CAPN8: variants seen among roughly 807,000 people sequenced by gnomAD.
CAPN8 encodes the protein calpain 8, also known as calpain-8.
In CAPN8, 87 loss-of-function variants were observed where a neutral mutation model predicts 80.9. The ratio of observed to expected loss-of-function variants is 1.07; its 90% CI spans 0.90 to 1.28. The LOEUF (loss-of-function observed/expected upper bound fraction) is 1.28, where lower values mean the gene tolerates loss of function less well. Among genes scored for constraint, CAPN8 ranks in the 50% most tolerant of loss-of-function variants. The pLI is 0.00. For missense variants in CAPN8, 757 were observed against 702.0 expected (o/e 1.08, Z -0.89); for synonymous variants, 299 against 273.8 (o/e 1.09, Z -0.91).
intron 15 of CAPN8, 84 bp from the exon 16 acceptor site, chr1:223,549,466 A>C: frequency 6.5e-7 from 1 of 1,542,814 alleles, no homozygotes; most frequent in South Asian, 1.2e-5. Context: ...AGACCTCCAA[A>C]GATACCATCC....
rs146495069 is a variant in CAPN8, at chr1:223,627,093, C to G, written c.625G>C (p.Gly209Arg). 1 of 1,552,326 alleles carries G rather than the reference C, an allele frequency of 6.4e-7. No homozygotes were observed. The highest frequency in any genetic ancestry group is 2.0e-5 in the Admixed American group (1 of 51,008). Residue 209 changes from glycine (G) to arginine (R), a missense_variant, in exon 5 of 21, where the codon GGT (glycine) becomes CGT (arginine). Physicochemically the swap from Gly to Arg is moderately radical, Grantham distance 125. Coordinates refer to ENST00000366872, the MANE Select transcript of CAPN8 (RefSeq NM_001143962.2). ...STVEGFEDFT[G>R]GISEFYDLKK... ...AGGTCATAAAACTCAGAGATGCCAC[C>G]TGTGAAATCCTCAAACCCCTCCACT... is the stretch of plus-strand genomic sequence containing the variant.
At chr1:223,662,276 G>A (rs1471899523) in intron 1 of CAPN8, among the ~76,000 whole-genome samples, 1 of 151,930 alleles carries the variant, frequency 6.6e-6, no homozygotes, top group Non-Finnish European at 1.5e-5. Context: ...GGCAACACCC[G>A]ATCTCTACTA....
chr1:223,634,874 A>G (rs971800330), intron 2 of CAPN8, among the ~76,000 whole-genome samples: 23 of 152,368 alleles, frequency 1.5e-4, no homozygotes, highest in African/African-American at 5.0e-4. Context: ...ACAAACATTC[A>G]GTGTATAGCA....
chr1:223,625,714 G>A, intron 6 of CAPN8, 91 bp downstream of exon 6: 1 of 1,166,652 alleles, frequency 8.6e-7, no homozygotes, highest in South Asian at 1.4e-5. Context: ...GAACCTTCTA[G>A]TAGTAATCAC....
chr1:223,546,684 G>T (rs1405285168), intron 16 of CAPN8, among the ~76,000 whole-genome samples: 1 of 152,164 alleles, frequency 6.6e-6, no homozygotes, highest in Admixed American at 6.5e-5. Flanking sequence ...TTTTCCAGGA[G>T]AAACTGAAGT....
chr1:223,619,953 G>C (rs1657334180), intron 8 of CAPN8, among the ~76,000 whole-genome samples: 1 of 152,156 alleles, frequency 6.6e-6, no homozygotes, highest in Non-Finnish European at 1.5e-5. Flanking sequence ...AAAGATAATA[G>C]AACTGAGAAA....
chr1:223,548,898 C>G (rs1261326448), intron 16 of CAPN8, among the ~76,000 whole-genome samples: 2 of 126,860 alleles, frequency 1.6e-5, no homozygotes, highest in Admixed American at 2.1e-4. Context: ...AAGCAAAGAT[C>G]AGATAGTGAT....
chr1:223,542,609 G>T (rs185563617), intron 20 of CAPN8, among the ~76,000 whole-genome samples: 3 of 152,246 alleles, frequency 2.0e-5, no homozygotes, highest in African/African-American at 4.8e-5. Context: ...GTCCCCTCTG[G>T]CCAGTAAAGG....
At chr1:223,633,770 A>G (rs963426811) in intron 2 of CAPN8, among the ~76,000 whole-genome samples, 1 of 152,218 alleles carries the variant, frequency 6.6e-6, no homozygotes, top group Non-Finnish European at 1.5e-5. Flanking sequence ...ATTAAAATCA[A>G]AGCTTAAAGG....
At position 223,629,680 on chromosome 1, in the gene CAPN8, A is replaced by G. The variant is rs192734373; in HGVS notation, c.308-900T>C. Among the ~76,000 whole-genome samples, 282 of 152,226 alleles carry G rather than the reference A, an allele frequency of 1.9e-3. 1 individual carries two copies. The highest frequency in any genetic ancestry group is 6.6e-3 in the African/African-American group (272 of 41,522). On this transcript the variant is annotated intron_variant, in intron 2 of 20. Coordinates refer to ENST00000366872, the MANE Select transcript of CAPN8 (RefSeq NM_001143962.2). ...GACGTAACTTTGCTCACCTCTACTT[A>G]TTTGCTTATTCCACACCAGCTGCTG...
At chr1:223,544,940 G>T in intron 17 of CAPN8, 90 bp from the exon 18 acceptor site, 1 of 1,539,128 alleles carries the variant, frequency 6.5e-7, no homozygotes, top group Non-Finnish European at 8.7e-7. Flanking sequence ...TTCTCAAAAG[G>T]CCAGGGACAC....
intron 1 of CAPN8, among the ~76,000 whole-genome samples, chr1:223,658,366 T>C (rs568638005): frequency 4.5e-4 from 69 of 152,334 alleles, no homozygotes; most frequent in Non-Finnish European, 7.9e-4. Context: ...GCTAAGTGGT[T>C]TGTAGGTAGA....
chr1:223,554,710 TAGC>T (rs1656867801), intron 13 of CAPN8, among the ~76,000 whole-genome samples: 1 of 152,198 alleles, frequency 6.6e-6, no homozygotes, highest in Non-Finnish European at 1.5e-5. Flanking sequence ...GGAGTTCAAA[TAGC>T]AGATTGTACC....
At chr1:223,549,088 G>A (rs76731852) in intron 16 of CAPN8, among the ~76,000 whole-genome samples, 26 of 152,016 alleles carry the variant, frequency 1.7e-4, no homozygotes, top group African/African-American at 5.8e-4. Flanking sequence ...TGCACACCTC[G>A]GTTTCTTCAC....
At position 223,544,107 on chromosome 1, in the gene CAPN8, G is replaced by A. The variant is rs759353657; in HGVS notation, c.1989C>T (p.Asp663=). ...GGCGGATCATACAAGCCACGAAGCT[G>A]TCAAAGTTGATGCCAAGCTTGCTGC... ...YACSKLGINF[D]SFVACMIRLE... The change falls in exon 19 of 21, where the codon GAC becomes GAT. Residue 663 remains aspartate (D), a synonymous_variant. Transcript: ENST00000366872. The A allele has an allele frequency of 2.2e-5, 16 of 718,262 alleles. No individual in the cohort carries two copies. In the African/African-American group the frequency reaches 2.6e-4, roughly 12 times the overall value. The allele number at this position is 718,262 out of a possible 1,614,324, so 44.5% of individuals were successfully genotyped here.
chr1:223,651,083 G>A (rs920830286), intron 2 of CAPN8, among the ~76,000 whole-genome samples: 2 of 152,158 alleles, frequency 1.3e-5, no homozygotes, highest in African/African-American at 4.8e-5. Context: ...CACATGGGGC[G>A]ACCCTGAGAC....
chr1:223,652,127 GT>G (rs1658359039), intron 2 of CAPN8, among the ~76,000 whole-genome samples: 1 of 151,888 alleles, frequency 6.6e-6, no homozygotes, highest in Non-Finnish European at 1.5e-5. Context: ...CAAATCAACT[GT>G]TTTAAAAAAA....
intron 2 of CAPN8, among the ~76,000 whole-genome samples, chr1:223,640,504 C>A (rs1658016087): frequency 6.6e-6 from 1 of 152,166 alleles, no homozygotes; most frequent in Non-Finnish European, 1.5e-5. Context: ...GCCTTCTTGT[C>A]CAGGTTTCCC....
chr1:223,619,407 A>G lies in CAPN8; in HGVS notation c.1021T>C (p.Cys341Arg), dbSNP rs191187914. ...FVRQFSRLEI[C>R]NLSPDSLSSE... Reference sequence around the variant, plus strand: ...CTCAGAGAGTCCGGGGACAGGTTGCAGATCTCCAACCGAGAGAACTGCCTC... The same window carrying G: ...CTCAGAGAGTCCGGGGACAGGTTGCGGATCTCCAACCGAGAGAACTGCCTC... The change falls in exon 9 of 21, where the codon TGC (cysteine) becomes CGC (arginine). Residue 341 changes from cysteine (C) to arginine (R), a missense_variant. Cys to Arg is a radical substitution (Grantham distance 180). Transcript: ENST00000366872. 366 of 1,551,694 alleles carry G rather than the reference A, an allele frequency of 2.4e-4. 1 individual carries two copies. The highest frequency in any genetic ancestry group is 6.3e-4 in the Admixed American group (32 of 51,006).
Sources: gnomAD v4.1 joint callset for allele counts (sites outside exome capture counted in the v4.1 genomes callset) on GRCh38, gnomAD v4.1.1 for gene constraint, MANE v1.5 for transcripts, NCBI Gene and HGNC (gene_info 2026-07-23, HGNC 2026-07-21) for gene names.